The following SMARCA5 variants were observed in gnomAD, a reference collection of about 807,000 sequenced individuals.
SMARCA5 encodes SWI/SNF-related matrix-associated actin-dependent regulator of chromatin subfamily A member 5.
SMARCA5 carries 18 observed loss-of-function variants against 140.4 expected under a neutral mutation model. That is an observed-to-expected ratio of 0.13 (90% CI 0.09 to 0.19). SMARCA5 has a LOEUF of 0.19. SMARCA5 is among the 10% of genes least tolerant of loss of function. The pLI, the probability that SMARCA5 is intolerant of heterozygous loss-of-function variation, is 1.00. For missense variants in SMARCA5, 606 were observed against 1,276.8 expected (o/e 0.47, Z 8.01); for synonymous variants, 449 against 419.6 (o/e 1.07, Z -0.86).
chr4:143,555,121 G>A lies in SMARCA5; in HGVS notation c.*1937G>A, dbSNP rs184192161. On this transcript the variant is annotated 3_prime_UTR_variant, in exon 24 of 24. Transcript: ENST00000283131. The stretch of plus-strand genomic sequence containing the variant: ...CAGTGCCACAGCTACTACTGCTACT[G>A]GAACTGCCTTAACCACTACTGCTAC... 1.0e-5 allele frequency: 7 copies of A among 681,190 alleles called. No individual in the cohort carries two copies. The Admixed American group carries it at 1.1e-4, about 11-fold the overall frequency. 42.2% of individuals were successfully genotyped at this position (681,190 alleles called of 1,614,324 possible). A position where few individuals can be genotyped will look rare whatever the true frequency, so the allele number is the denominator to read the frequency against.
At position 143,526,344 on chromosome 4, in the gene SMARCA5, C is replaced by A. The variant is rs1332734524; in HGVS notation, c.685C>A (p.Pro229Thr). Residue 229 changes from proline to threonine, a missense_variant, in exon 6 of 24, where the codon CCT becomes ACT. Pro to Thr is a conservative substitution (Grantham distance 38). Around this residue, in one of 10 missense-constraint regions of SMARCA5, gnomAD observed 110 missense variants for 287.7 expected, o/e 0.38. Coordinates refer to ENST00000283131, the MANE Select transcript of SMARCA5 (RefSeq NM_003601.4). Reference protein sequence around the residue: ...LGYMKHYRNIPGPHMVLVPKS... With the variant: ...LGYMKHYRNITGPHMVLVPKS... ...GTACATGAAACATTATAGAAACATT[C>A]CTGGGCCTCATATGGTTTTGGTTCC... The A allele has an allele frequency of 6.2e-7, 1 of 1,613,882 alleles. No homozygotes were observed. Among genetic ancestry groups the A allele is most frequent in the Admixed American group, 1.7e-5 (1 of 60,014 alleles).
At chr4:143,528,485 A>G (rs1283855023) in intron 7 of SMARCA5, 98 bp from the exon 8 acceptor site, 3 of 1,019,716 alleles carry the variant, frequency 2.9e-6, no homozygotes, top group South Asian at 1.7e-5. Flanking sequence ...TAACCGGTCT[A>G]TCATTGTTGG....
intron 23 of SMARCA5, 26 bp downstream of exon 23, chr4:143,550,130 T>C (rs759787076): frequency 1.5e-6 from 2 of 1,292,252 alleles, no homozygotes; most frequent in South Asian, 2.7e-5. Flanking sequence ...TATGTAAATA[T>C]GTGGATTATG....
chr4:143,553,298 T>TC lies in SMARCA5; in HGVS notation c.*115dup. 1 of 734,760 alleles carries TC rather than the reference T, an allele frequency of 1.4e-6. No individual in the cohort carries two copies. The highest frequency in any genetic ancestry group is 1.7e-5 in the South Asian group (1 of 58,060). 45.5% of individuals were successfully genotyped at this position (734,760 alleles called of 1,614,324 possible). A position where few individuals can be genotyped will look rare whatever the true frequency, so the allele number is the denominator to read the frequency against. ...GTTATGTCATTTAAAGACATCAGGTTCATCTGTTTACTGAGCTAGAAACAT... is the reference window on the plus strand; with the variant it reads ...GTTATGTCATTTAAAGACATCAGGTTCCATCTGTTTACTGAGCTAGAAACAT... On this transcript the variant is annotated 3_prime_UTR_variant, in exon 24 of 24. Transcript: ENST00000283131.
chr4:143,556,244 C>T lies in SMARCA5; in HGVS notation c.*3060C>T, dbSNP rs115837656. 230 of 152,044 alleles carry T rather than the reference C, an allele frequency of 1.5e-3. No individual in the cohort carries two copies. Among genetic ancestry groups the T allele is most frequent in the African/African-American group, 5.3e-3 (221 of 41,474 alleles). 9.4% of individuals were successfully genotyped at this position (152,044 alleles called of 1,614,324 possible). ...TGCCCTTTGAGTATTTAATATATGC[C>T]GATTGTTTGAACTAATCTGGATTTA... On this transcript the variant is annotated 3_prime_UTR_variant, in exon 24 of 24. Transcript: ENST00000283131.
At chr4:143,518,904 C>T (rs1050561230) in intron 2 of SMARCA5, among the ~76,000 whole-genome samples, 1 of 152,032 alleles carries the variant, frequency 6.6e-6, no homozygotes, top group African/African-American at 2.4e-5. Flanking sequence ...ATTGCCAATT[C>T]TGAGGCTTAG....
intron 3 of SMARCA5, among the ~76,000 whole-genome samples, chr4:143,521,893 CAAAAAAA>C (rs58679947): frequency 1.6e-4 from 7 of 44,798 alleles, no homozygotes; most frequent in African/African-American, 2.6e-4. Context: ...CCCATCTCTA[CAAAAAAA>C]AAAAAAAAAA....
chr4:143,530,556 A>C, intron 9 of SMARCA5, 30 bp downstream of exon 9: 1 of 1,423,132 alleles, frequency 7.0e-7, no homozygotes, highest in Non-Finnish European at 9.8e-7. Context: ...GTTAAAGCAT[A>C]TTTATGATGG....
chr4:143,544,853 T>A lies in SMARCA5; in HGVS notation c.2283+6T>A. On this transcript the variant is annotated splice_donor_region_variant and intron_variant, in intron 17 of 23. Transcript: ENST00000283131. ...GTGAACCTAAAGCACCCAAGGTGAG[T>A]TGACTGACACAGCATAAAAATATCT... 1.4e-6 allele frequency: 2 copies of A among 1,458,106 alleles called. No homozygotes were observed. The highest frequency in any genetic ancestry group is 2.8e-5 in the African/African-American group (2 of 71,256). 90.3% of individuals were successfully genotyped at this position (1,458,106 alleles called of 1,614,324 possible). A position where few individuals can be genotyped will look rare whatever the true frequency, so the allele number is the denominator to read the frequency against.
At chr4:143,519,070 G>A (rs1336013636) in intron 2 of SMARCA5, among the ~76,000 whole-genome samples, 4 of 151,906 alleles carry the variant, frequency 2.6e-5, no homozygotes, top group Non-Finnish European at 5.9e-5. Context: ...TAGACAGTTT[G>A]ATTCTTACTG....
At chr4:143,534,727 C>G (rs1737268727) in intron 9 of SMARCA5, 128 bp from the exon 10 acceptor site, 1 of 621,658 alleles carries the variant, frequency 1.6e-6, no homozygotes. Context: ...GGGAGAAGTC[C>G]TAAGAAATCA....
chr4:143,541,481 G>A (rs1236653566), intron 14 of SMARCA5, among the ~76,000 whole-genome samples: 1 of 152,078 alleles, frequency 6.6e-6, no homozygotes, highest in African/African-American at 2.4e-5. Flanking sequence ...ATAAATTATT[G>A]CTTATTTTTA....
intron 7 of SMARCA5, among the ~76,000 whole-genome samples, chr4:143,528,321 T>C (rs968441465): frequency 5.9e-5 from 9 of 152,326 alleles, no homozygotes; most frequent in African/African-American, 2.2e-4. Flanking sequence ...CTCCCACTTA[T>C]GAGTGAGAAC....
At position 143,514,005 on chromosome 4, in the gene SMARCA5, C is replaced by G; in HGVS notation, c.81C>G (p.Gly27=). ...AGCCCGCAGCCTCGATCGCCAGCGGCGGGAGCAACAGCAGCAACAAAGGCG... is the reference window on the plus strand; with the variant it reads ...AGCCCGCAGCCTCGATCGCCAGCGGGGGGAGCAACAGCAGCAACAAAGGCG... The part of the protein sequence containing the change: ...PSKPAASIAS[G]GSNSSNKGGP... Residue 27 remains glycine (G), a synonymous_variant, in exon 1 of 24, where the codon GGC becomes GGG. Transcript: ENST00000283131. The G allele has an allele frequency of 6.4e-7, 1 of 1,551,528 alleles. No homozygotes were observed. Among genetic ancestry groups the G allele is most frequent in the Non-Finnish European group, 8.7e-7 (1 of 1,155,624 alleles).
chr4:143,545,806 C>T, intron 18 of SMARCA5, 119 bp from the exon 19 acceptor site: 2 of 956,492 alleles, frequency 2.1e-6, no homozygotes, highest in Non-Finnish European at 1.6e-6. Flanking sequence ...ATAATACATG[C>T]AATGTATCAG....
chr4:143,525,581 A>G (rs372612525), intron 5 of SMARCA5, 30 bp downstream of exon 5: 2 of 1,379,626 alleles, frequency 1.4e-6, no homozygotes, highest in African/African-American at 1.4e-5. Flanking sequence ...TTTGAAGGGT[A>G]TGTTTTGTAT....
At chr4:143,543,027 A>G (rs1171963952) in intron 14 of SMARCA5, among the ~76,000 whole-genome samples, 4 of 152,188 alleles carry the variant, frequency 2.6e-5, no homozygotes, top group Non-Finnish European at 5.9e-5. Flanking sequence ...GTTCTTCTGG[A>G]AGTTTTCTTT....
chr4:143,532,020 C>G (rs1376067840), intron 9 of SMARCA5, among the ~76,000 whole-genome samples: 1 of 152,146 alleles, frequency 6.6e-6, no homozygotes, highest in Non-Finnish European at 1.5e-5. Context: ...GGATTGTAAG[C>G]ACAAAGGCAG....
At chr4:143,520,917 TG>T (rs1490217625) in intron 2 of SMARCA5, among the ~76,000 whole-genome samples, 5 of 152,206 alleles carry the variant, frequency 3.3e-5, no homozygotes, top group Admixed American at 2.0e-4. Context: ...TTTTAAAATT[TG>T]TCACAGCCTA....
Sources: gnomAD v4.1 joint callset for allele counts (sites outside exome capture counted in the v4.1 genomes callset) on GRCh38, gnomAD v4.1.1 for gene constraint, gnomAD v4.1.1 regional missense constraint, MANE v1.5 for transcripts, NCBI Gene and HGNC (gene_info 2026-07-23, HGNC 2026-07-21) for gene names.